QKI: variants seen among roughly 807,000 people sequenced by gnomAD.
The protein encoded by QKI is QKI, KH domain containing RNA binding, also known as KH domain-containing RNA-binding protein QKI.
In QKI, 10 loss-of-function variants were observed where a neutral mutation model predicts 39.0. The ratio of observed to expected loss-of-function variants is 0.26; its 90% CI spans 0.16 to 0.43. The LOEUF (loss-of-function observed/expected upper bound fraction) is 0.43, where lower values mean the gene tolerates loss of function less well. Ranked by LOEUF, QKI falls within the 20% of genes least tolerant of loss-of-function variation. The pLI is 1.00. For synonymous variants in QKI, 204 were observed against 155.4 expected (o/e 1.31, Z -2.33); for missense variants, 218 against 428.0 (o/e 0.51, Z 4.33).
At chr6:163,446,832 C>G (rs1437554080) in intron 1 of QKI, among the ~76,000 whole-genome samples, 9 of 152,108 alleles carry the variant, frequency 5.9e-5, no homozygotes, top group Non-Finnish European at 2.9e-5. Flanking sequence ...TTTTCAGTGA[C>G]CTATTTTACT....
At chr6:163,460,072 A>G (rs1791231399) in intron 2 of QKI, among the ~76,000 whole-genome samples, 1 of 152,198 alleles carries the variant, frequency 6.6e-6, no homozygotes, top group African/African-American at 2.4e-5. Flanking sequence ...AGGATCTGCC[A>G]GAGTAGTAGA....
At chr6:163,556,935 T>A (rs1782666331) in intron 4 of QKI, among the ~76,000 whole-genome samples, 1 of 152,182 alleles carries the variant, frequency 6.6e-6, no homozygotes, top group Non-Finnish European at 1.5e-5. Context: ...TCCATACAAA[T>A]ACAAGGGAAA....
rs771054640 is a variant in QKI at position 163,563,724 on chromosome 6, GTTC to G, written c.934+10_934+12del. 44 of 1,610,320 alleles carry G rather than the reference GTTC, an allele frequency of 2.7e-5. No individual in the cohort carries two copies. In the African/African-American group the frequency reaches 3.7e-4, roughly 14 times the overall value. On this transcript the variant is annotated splice_donor_region_variant and intron_variant, in intron 6 of 7. Transcript: ENST00000361752. ...TTGAACCTAGTGGTGTATTAGGTAA[GTTC>G]TTCTCCCCATGGGGTTAACAACATT...
At position 163,566,817 on chromosome 6, in the gene QKI, T is replaced by C. The variant is rs771167732; in HGVS notation, c.1009+22T>C. 1.9e-6 allele frequency: 3 copies of C among 1,612,318 alleles called. No homozygotes were observed. The South Asian group carries it at 3.3e-5, about 18-fold the overall frequency. ...CGAGGTTAGTTTAGTTCTGCAGTTC[T>C]TGTCTATAAGAAATGCGTTGGGTGT... On this transcript the variant is annotated intron_variant, in intron 7 of 7. Coordinates refer to ENST00000361752, the MANE Select transcript of QKI (RefSeq NM_006775.3).
chr6:163,423,534 A>G (rs999780779), intron 1 of QKI: 1 of 152,184 alleles, frequency 6.6e-6, no homozygotes, highest in African/African-American at 2.4e-5. Context: ...AACTGGAGGG[A>G]AAAACCTGGA....
chr6:163,483,153 G>A (rs1356424777), intron 3 of QKI, among the ~76,000 whole-genome samples: 1 of 152,174 alleles, frequency 6.6e-6, no homozygotes, highest in African/African-American at 2.4e-5. Context: ...ATTTGTAACA[G>A]CATTATGTCT....
chr6:163,418,128 A>C (rs569115112), intron 1 of QKI, among the ~76,000 whole-genome samples: 1 of 151,948 alleles, frequency 6.6e-6, no homozygotes, highest in African/African-American at 2.4e-5. Flanking sequence ...TTGGCTGAAA[A>C]ATTACTTTTA....
At position 163,509,478 on chromosome 6, in the gene QKI, A is replaced by AG. The variant is rs35043281; in HGVS notation, c.403-25494dup. On this transcript the variant is annotated intron_variant, in intron 3 of 7. Transcript: ENST00000361752. The stretch of plus-strand genomic sequence containing the variant: ...TATATTACATATGACCATTTAATAA[A>AG]GGGGGGGGGGAATAGTATTGTCCTG... Among the ~76,000 whole-genome samples the AG allele has an allele frequency of 6.5e-3, 983 of 150,804 alleles. 7 individuals are homozygous for AG. Among genetic ancestry groups the AG allele is most frequent in the African/African-American group, 0.014 (595 of 41,108 alleles).
At chr6:163,534,035 C>G (rs913689899) in intron 3 of QKI, among the ~76,000 whole-genome samples, 1 of 152,142 alleles carries the variant, frequency 6.6e-6, no homozygotes, top group East Asian at 1.9e-4. Flanking sequence ...TATTGTTTGT[C>G]TGTGGTACCT....
chr6:163,422,021 C>A (rs533583458), intron 1 of QKI, among the ~76,000 whole-genome samples: 26 of 152,262 alleles, frequency 1.7e-4, no homozygotes, highest in Non-Finnish European at 2.9e-4. Flanking sequence ...ATCTGACCGC[C>A]TCGGCCTCCC....
intron 3 of QKI, among the ~76,000 whole-genome samples, chr6:163,487,097 C>G (rs963942219): frequency 6.6e-6 from 1 of 152,044 alleles, no homozygotes; most frequent in Non-Finnish European, 1.5e-5. Flanking sequence ...GGCATGACAT[C>G]AAGTACAAGT....
At chr6:163,455,681 A>T (rs1583019837) in intron 2 of QKI, among the ~76,000 whole-genome samples, 4 of 152,332 alleles carry the variant, frequency 2.6e-5, no homozygotes, top group African/African-American at 7.2e-5. Flanking sequence ...TGTGGAAAGC[A>T]CTATGGCCTG....
chr6:163,567,583 T>TA (rs1379589634), intron 7 of QKI: 6 of 983,688 alleles, frequency 6.1e-6, no homozygotes, highest in Non-Finnish European at 7.2e-6. Flanking sequence ...CTTTACAACT[T>TA]TTATAATTTG....
chr6:163,456,904 CA>C (rs1039420791), intron 2 of QKI, among the ~76,000 whole-genome samples: 2 of 152,038 alleles, frequency 1.3e-5, no homozygotes, highest in Non-Finnish European at 2.9e-5. Context: ...TGGTGCCTCC[CA>C]GACTTTATCT....
intron 4 of QKI, among the ~76,000 whole-genome samples, chr6:163,554,248 C>T (rs1030808304): frequency 1.3e-5 from 2 of 152,134 alleles, no homozygotes; most frequent in Non-Finnish European, 2.9e-5. Flanking sequence ...CTGGCAAGTG[C>T]ATAGCTGAAA....
chr6:163,578,022 T>C lies in QKI; in HGVS notation c.*7312T>C, dbSNP rs926590601. On this transcript the variant is annotated 3_prime_UTR_variant, in exon 8 of 8. Coordinates refer to ENST00000361752, the MANE Select transcript of QKI (RefSeq NM_006775.3). ...TCATGGTAAGTTTGGCATCATATCT[T>C]CCCCAAAAAATGTTTATTAAAATTA... 3.9e-5 allele frequency: 6 copies of C among 152,110 alleles called. No homozygotes were observed. Among genetic ancestry groups the C allele is most frequent in the African/African-American group, 1.4e-4 (6 of 41,436 alleles). The allele number at this position is 152,110 out of a possible 1,614,324, so 9.4% of individuals were successfully genotyped here. A position where few individuals can be genotyped will look rare whatever the true frequency, so the allele number is the denominator to read the frequency against.
At chr6:163,477,023 T>G (rs928304827) in intron 2 of QKI, among the ~76,000 whole-genome samples, 1 of 127,968 alleles carries the variant, frequency 7.8e-6, no homozygotes, top group African/African-American at 3.0e-5. Context: ...TTGTTTTGTT[T>G]TTTTTTTTTT....
chr6:163,430,226 A>T (rs867138931), intron 1 of QKI, among the ~76,000 whole-genome samples: 3 of 151,784 alleles, frequency 2.0e-5, no homozygotes, highest in Middle Eastern at 3.2e-3. Flanking sequence ...TTTAGTCCAG[A>T]TTTTCTTATC....
chr6:163,557,416 G>A (rs933748113), intron 4 of QKI, among the ~76,000 whole-genome samples: 2 of 152,156 alleles, frequency 1.3e-5, no homozygotes, highest in African/African-American at 4.8e-5. Context: ...TATGTTAAGT[G>A]AAATAAGTCA....
Sources: gnomAD v4.1 joint callset for allele counts (sites outside exome capture counted in the v4.1 genomes callset) on GRCh38, gnomAD v4.1.1 for gene constraint, MANE v1.5 for transcripts, NCBI Gene and HGNC (gene_info 2026-07-23, HGNC 2026-07-21) for gene names.